The following PDE8B variants were observed in gnomAD, a reference collection of about 807,000 sequenced individuals.
The protein encoded by PDE8B is phosphodiesterase 8B.
Under a neutral mutation model 101.3 loss-of-function variants are expected in PDE8B, and 26 were observed. The ratio of observed to expected loss-of-function variants is 0.26; its 90% CI spans 0.19 to 0.36. The LOEUF (loss-of-function observed/expected upper bound fraction) is 0.36, where lower values mean the gene tolerates loss of function less well. Ranked by LOEUF, PDE8B falls within the 10% of genes least tolerant of loss-of-function variation. The pLI is 1.00. For missense variants in PDE8B, 810 were observed against 1,163.1 expected (o/e 0.70, Z 4.42); for synonymous variants, 424 against 429.3 (o/e 0.99, Z 0.15).
chr5:77,142,406 A>G, the PDE8B span: 2 of 152,316 alleles, frequency 1.3e-5, no homozygotes, highest in African/African-American at 4.8e-5. Context: ...TCTTTACCAC[A>G]ATCAACATTT....
the PDE8B span, among the ~76,000 whole-genome samples, chr5:77,190,021 A>T: frequency 6.6e-6 from 1 of 152,210 alleles, no homozygotes; most frequent in Non-Finnish European, 1.5e-5. Flanking sequence ...TGACATTAGA[A>T]TATCTCTAAG....
intron 1 of PDE8B, among the ~76,000 whole-genome samples, chr5:77,303,308 G>A: frequency 6.6e-6 from 1 of 152,148 alleles, no homozygotes; most frequent in East Asian, 1.9e-4. Context: ...GGGAGGCCAA[G>A]GTGGATGGAT....
At chr5:77,280,108 A>G (rs1764658611) in intron 1 of PDE8B, among the ~76,000 whole-genome samples, 1 of 152,246 alleles carries the variant, frequency 6.6e-6, no homozygotes, top group African/African-American at 2.4e-5. Flanking sequence ...GCAGGAAAGT[A>G]GTCATGAGGA....
intron 1 of PDE8B, among the ~76,000 whole-genome samples, chr5:77,288,254 G>T (rs1311083792): frequency 2.0e-5 from 3 of 152,134 alleles, no homozygotes; most frequent in African/African-American, 7.2e-5. Flanking sequence ...TCTCTGATGG[G>T]CCCTGAACTC....
chr5:77,317,967 A>G (rs769860525), intron 2 of PDE8B, among the ~76,000 whole-genome samples: 25 of 147,370 alleles, frequency 1.7e-4, no homozygotes, highest in Non-Finnish European at 3.1e-4. Context: ...TGAGGCAGAG[A>G]ATTGCTTGAA....
intron 10 of PDE8B, among the ~76,000 whole-genome samples, chr5:77,369,990 A>G (rs932441034): frequency 6.6e-5 from 10 of 152,232 alleles, no homozygotes; most frequent in Non-Finnish European, 1.2e-4. Context: ...CCTAGATTCT[A>G]CCGTTAACAT....
At chr5:77,272,444 T>C (rs1449738026) in intron 1 of PDE8B, among the ~76,000 whole-genome samples, 1 of 152,220 alleles carries the variant, frequency 6.6e-6, no homozygotes, top group Non-Finnish European at 1.5e-5. Flanking sequence ...TGTCCTGTTA[T>C]TTCACAATCA....
Position 77,344,891 on chromosome 5 carries a change from A to C in PDE8B, c.836A>C (p.His279Pro). 6.2e-7 allele frequency: 1 copy of C among 1,612,168 alleles called. No homozygotes were observed. The highest frequency in any genetic ancestry group is 8.5e-7 in the Non-Finnish European group (1 of 1,178,130). Residue 279 changes from histidine to proline, a missense_variant, in exon 7 of 22, where the codon CAT becomes CCT. Transcript: ENST00000264917. ...GTGTTTACAGCATTAGATCACTGTC[A>C]TGAAGCCATAGAAATAACAAGCGAT... ...NSVFTALDHC[H>P]EAIEITSDDH...
At chr5:77,304,423 A>G (rs1255430103) in intron 1 of PDE8B, among the ~76,000 whole-genome samples, 1 of 152,000 alleles carries the variant, frequency 6.6e-6, no homozygotes, top group South Asian at 2.1e-4. Context: ...TGTTCTGGTT[A>G]CTAGTATTTT....
chr5:77,188,291 G>A, the PDE8B span, among the ~76,000 whole-genome samples: 3 of 152,240 alleles, frequency 2.0e-5, no homozygotes, highest in East Asian at 5.8e-4. Context: ...TTGATAAAGG[G>A]CTTACTATGA....
chr5:77,360,026 G>C (rs1208506087), intron 10 of PDE8B, among the ~76,000 whole-genome samples: 1 of 151,860 alleles, frequency 6.6e-6, no homozygotes, highest in Non-Finnish European at 1.5e-5. Context: ...AGGAGGTGGA[G>C]GTTGTAGCAA....
intron 2 of PDE8B, among the ~76,000 whole-genome samples, chr5:77,322,039 G>A (rs1239174572): frequency 6.6e-6 from 1 of 152,168 alleles, no homozygotes; most frequent in African/African-American, 2.4e-5. Flanking sequence ...CTCCACTGTG[G>A]TTTCCATGGG....
chr5:77,213,080 C>T (rs1423929990), intron 1 of PDE8B, among the ~76,000 whole-genome samples: 1 of 152,150 alleles, frequency 6.6e-6, no homozygotes, highest in East Asian at 1.9e-4. Flanking sequence ...TAATACTTCC[C>T]TCAAGAGGCT....
rs1309377940 is a variant in PDE8B at position 77,359,956 on chromosome 5, C to T, written c.1167+6550C>T. On this transcript the variant is annotated intron_variant, in intron 10 of 21. Coordinates refer to ENST00000264917, the MANE Select transcript of PDE8B (RefSeq NM_003719.5). ...ACGAAAAATACAAAAATTAGCCAGG[C>T]GTGGTGCACCTGTAATCCCAGCTAC... is the stretch of plus-strand genomic sequence containing the variant. Among the ~76,000 whole-genome samples the T allele has an allele frequency of 1.3e-4, 20 of 151,858 alleles. No homozygotes were observed. The East Asian group carries it at 2.7e-3, about 21-fold the overall frequency.
At chr5:77,279,869 A>G (rs530848756) in intron 1 of PDE8B, among the ~76,000 whole-genome samples, 1 of 152,264 alleles carries the variant, frequency 6.6e-6, no homozygotes, top group Non-Finnish European at 1.5e-5. Flanking sequence ...CAGGGGCACA[A>G]GTGAGGCGAG....
intron 2 of PDE8B, among the ~76,000 whole-genome samples, chr5:77,319,381 T>C (rs7702029): frequency 0.019 from 2,850 of 152,302 alleles, 98 homozygotes; most frequent in African/African-American, 0.065. Flanking sequence ...CTATCTGTTA[T>C]TCAGCCTAAG....
the PDE8B span, among the ~76,000 whole-genome samples, chr5:77,168,250 A>G: frequency 6.6e-6 from 1 of 152,192 alleles, no homozygotes; most frequent in East Asian, 1.9e-4. Context: ...CTGACAGGGC[A>G]TGGCAGCCTG....
intron 18 of PDE8B, among the ~76,000 whole-genome samples, chr5:77,418,704 T>G (rs548133105): frequency 6.6e-6 from 1 of 152,344 alleles, no homozygotes; most frequent in African/African-American, 2.4e-5. Context: ...TATTACTAAG[T>G]ACACCAGATA....
chr5:77,161,583 C>T, the PDE8B span, among the ~76,000 whole-genome samples: 1 of 152,066 alleles, frequency 6.6e-6, no homozygotes, highest in African/African-American at 2.4e-5. Flanking sequence ...CTTTTGTGGA[C>T]ATACATTTTC....
Sources: allele counts gnomAD v4.1 joint callset (sites outside exome capture counted in the v4.1 genomes callset), GRCh38; gene constraint gnomAD v4.1.1; transcripts MANE v1.5; gene names NCBI Gene and HGNC (gene_info 2026-07-23, HGNC 2026-07-21).